TBX15: variants seen among roughly 807,000 people sequenced by gnomAD.
The protein encoded by TBX15 is T-box transcription factor 15.
Under a neutral mutation model 53.9 loss-of-function variants are expected in TBX15, and 18 were observed. The ratio of observed to expected loss-of-function variants is 0.33; its 90% CI spans 0.23 to 0.49. The LOEUF is 0.49. Ranked by LOEUF, TBX15 falls within the 20% of genes least tolerant of loss-of-function variation. The pLI is 0.98. For missense variants in TBX15, 692 were observed against 749.5 expected (o/e 0.92, Z 0.90); for synonymous variants, 295 against 278.0 (o/e 1.06, Z -0.61).
intron 6 of TBX15, among the ~76,000 whole-genome samples, chr1:118,911,397 C>A (rs1655022248): frequency 6.6e-6 from 1 of 152,114 alleles, no homozygotes; most frequent in South Asian, 2.1e-4. Flanking sequence ...TAACGAAGAT[C>A]CATAGTTCTG....
chr1:118,925,812 T>C (rs1655577588), intron 3 of TBX15, among the ~76,000 whole-genome samples: 1 of 152,194 alleles, frequency 6.6e-6, no homozygotes, highest in South Asian at 2.1e-4. Context: ...TCCCTATTCA[T>C]GGGTTTAGGG....
chr1:118,899,874 T>C (rs1474649840), intron 6 of TBX15, among the ~76,000 whole-genome samples: 1 of 152,186 alleles, frequency 6.6e-6, no homozygotes, highest in Non-Finnish European at 1.5e-5. Context: ...GTACATTCCT[T>C]TAAGGCTCCT....
intron 6 of TBX15, among the ~76,000 whole-genome samples, chr1:118,909,583 G>C (rs1654960333): frequency 6.6e-6 from 1 of 152,056 alleles, no homozygotes; most frequent in South Asian, 2.1e-4. Flanking sequence ...TTGTTTGTTT[G>C]TTTTCTTTTT....
intron 1 of TBX15, among the ~76,000 whole-genome samples, chr1:118,952,598 C>T (rs752584995): frequency 5.9e-5 from 9 of 152,078 alleles, no homozygotes; most frequent in South Asian, 4.2e-4. Context: ...CATCAGTTCC[C>T]GATGTCTAAT....
At chr1:118,968,849 TGAG>T (rs1657139850) in intron 1 of TBX15, among the ~76,000 whole-genome samples, 1 of 152,064 alleles carries the variant, frequency 6.6e-6, no homozygotes, top group South Asian at 2.1e-4. Flanking sequence ...ACCCTCTTTT[TGAG>T]GAGGGAGGAG....
In TBX15 at chr1:118,883,277, G is replaced by C. The variant is rs1208052186; in HGVS notation, c.*1455C>G. On this transcript the variant is annotated 3_prime_UTR_variant, in exon 8 of 8. Coordinates refer to ENST00000369429, the MANE Select transcript of TBX15 (RefSeq NM_001330677.2). ...AATAATATCTGTATTATTTTACTTG[G>C]TATTATTTGCATTTCCACACCATTT... 6.6e-6 allele frequency: 1 copy of C among 152,418 alleles called. No individual in the cohort carries two copies. The highest frequency in any genetic ancestry group is 6.6e-5 in the Admixed American group (1 of 15,258). 9.4% of individuals were successfully genotyped at this position (152,418 alleles called of 1,614,324 possible).
At chr1:118,979,292 G>C (rs993355913) in intron 1 of TBX15, among the ~76,000 whole-genome samples, 2 of 151,728 alleles carry the variant, frequency 1.3e-5, no homozygotes, top group Non-Finnish European at 2.9e-5. Context: ...TCTTTGTCTC[G>C]GTGGGCAATG....
chr1:118,889,776 C>T (rs571590887), intron 7 of TBX15, among the ~76,000 whole-genome samples: 1 of 149,912 alleles, frequency 6.7e-6, no homozygotes, highest in South Asian at 2.1e-4. Flanking sequence ...GTGCTCATAA[C>T]TGTATCTGGC....
intron 1 of TBX15, among the ~76,000 whole-genome samples, chr1:118,986,365 T>C (rs1323244711): frequency 6.6e-6 from 1 of 152,182 alleles, no homozygotes; most frequent in Non-Finnish European, 1.5e-5. Flanking sequence ...TTTCATCGAC[T>C]AATAAAAATA....
At chr1:118,904,185 G>A (rs150425178) in intron 6 of TBX15, among the ~76,000 whole-genome samples, 4 of 152,182 alleles carry the variant, frequency 2.6e-5, no homozygotes, top group East Asian at 3.9e-4. Context: ...TCCCATGGGT[G>A]GTGCTATGCC....
At chr1:118,901,383 C>A (rs760725733) in intron 6 of TBX15, 10 of 456,602 alleles carry the variant, frequency 2.2e-5, no homozygotes, top group South Asian at 1.5e-4. Context: ...GCTCTCAGAG[C>A]CTAATCACCT....
intron 1 of TBX15, among the ~76,000 whole-genome samples, chr1:118,965,734 T>A (rs1230685443): frequency 3.3e-5 from 5 of 152,200 alleles, no homozygotes; most frequent in Admixed American, 6.6e-5. Context: ...ATGAGACTTT[T>A]AAAAGAGGGG....
At position 118,914,242 on chromosome 1, in the gene TBX15, T is replaced by C. The variant is rs950839009; in HGVS notation, c.862-63A>G. 3.4e-5 allele frequency: 49 copies of C among 1,442,900 alleles called. 1 individual carries two copies. In the South Asian group the frequency reaches 3.9e-4, roughly 11 times the overall value. 89.4% of individuals were successfully genotyped at this position (1,442,900 alleles called of 1,614,324 possible). ...TAACTGATTTCTTTCTTAGTACTCC[T>C]AGAAAATTACAAAAATCACTTTTTT... On this transcript the variant is annotated intron_variant, in intron 5 of 7. Coordinates refer to ENST00000369429, the MANE Select transcript of TBX15 (RefSeq NM_001330677.2).
At chr1:118,948,145 A>G (rs1656402481) in intron 1 of TBX15, among the ~76,000 whole-genome samples, 1 of 152,246 alleles carries the variant, frequency 6.6e-6, no homozygotes, top group Admixed American at 6.5e-5. Flanking sequence ...CAGGGTCTCT[A>G]TTATGCTAAG....
intron 2 of TBX15, among the ~76,000 whole-genome samples, chr1:118,926,852 T>C (rs1208615612): frequency 1.3e-5 from 2 of 150,220 alleles, no homozygotes. Flanking sequence ...ACTACAGGCA[T>C]GAGCCACCAC....
intron 1 of TBX15, among the ~76,000 whole-genome samples, chr1:118,939,476 T>C (rs1656093974): frequency 6.8e-6 from 1 of 146,630 alleles, no homozygotes; most frequent in Admixed American, 6.9e-5. Context: ...CATGTTCTTT[T>C]ATAAGTGAGA....
At chr1:118,985,337 C>T (rs1657795447) in intron 1 of TBX15, among the ~76,000 whole-genome samples, 1 of 152,076 alleles carries the variant, frequency 6.6e-6, no homozygotes, top group African/African-American at 2.4e-5. Context: ...TGTGTGTGTT[C>T]GTTAGGGTGC....
chr1:118,919,076 C>G (rs1222351293), intron 5 of TBX15, among the ~76,000 whole-genome samples: 1 of 152,174 alleles, frequency 6.6e-6, no homozygotes, highest in Non-Finnish European at 1.5e-5. Flanking sequence ...TTTGCTCACA[C>G]AAACCTGGCT....
intron 1 of TBX15, among the ~76,000 whole-genome samples, chr1:118,981,328 A>ACG: frequency 6.6e-6 from 1 of 152,038 alleles, no homozygotes; most frequent in Non-Finnish European, 1.5e-5. Context: ...ACACACACAC[A>ACG]CACACACACA....
Sources: allele counts gnomAD v4.1 joint callset (sites outside exome capture counted in the v4.1 genomes callset), GRCh38; gene constraint gnomAD v4.1.1; transcripts MANE v1.5; gene names NCBI Gene and HGNC (gene_info 2026-07-23, HGNC 2026-07-21).